TNKS: variants seen among roughly 807,000 people sequenced by gnomAD.
TNKS encodes the protein tankyrase, also known as poly [ADP-ribose] polymerase tankyrase-1.
In TNKS, 72 loss-of-function variants were observed where a neutral mutation model predicts 135.8. The observed-to-expected ratio is 0.53, with a 90% CI of 0.44 to 0.64. The LOEUF (loss-of-function observed/expected upper bound fraction) is 0.64. TNKS is among the 30% of genes least tolerant of loss of function. TNKS has a pLI of 0.00. For missense variants in TNKS, 1,769 were observed against 1,674.0 expected (o/e 1.06, Z -0.99); for synonymous variants, 849 against 649.3 (o/e 1.31, Z -4.68).
chr8:9,563,022 A>ATTGTAT (rs1563380309), intron 1 of TNKS, among the ~76,000 whole-genome samples: 1 of 151,864 alleles, frequency 6.6e-6, no homozygotes, highest in African/African-American at 2.4e-5. Flanking sequence ...TTTTCTTTTT[A>ATTGTAT]TGTATATTGA....
rs192856043 is a variant in TNKS, at chr8:9,781,694, T to C, written c.*4958T>C. Reference sequence around the variant, plus strand: ...TCTCAAAACATTTACAAAACCAGCTTTGAGAAAATGTTATGTTGCCTGGCA... The same window carrying C: ...TCTCAAAACATTTACAAAACCAGCTCTGAGAAAATGTTATGTTGCCTGGCA... On this transcript the variant is annotated 3_prime_UTR_variant, in exon 27 of 27. Coordinates refer to ENST00000310430, the MANE Select transcript of TNKS (RefSeq NM_003747.3). 4 of 152,778 alleles carry C rather than the reference T, an allele frequency of 2.6e-5. No homozygotes were observed. The highest frequency in any genetic ancestry group is 5.9e-5 in the Non-Finnish European group (4 of 68,030). 9.5% of individuals were successfully genotyped at this position (152,778 alleles called of 1,614,324 possible). A position where few individuals can be genotyped will look rare whatever the true frequency, so the allele number is the denominator to read the frequency against.
chr8:9,661,500 A>C (rs976014754), intron 3 of TNKS, among the ~76,000 whole-genome samples: 1 of 152,064 alleles, frequency 6.6e-6, no homozygotes, highest in Non-Finnish European at 1.5e-5. Context: ...TCCCTATTTA[A>C]TAAATGGTGC....
At chr8:9,580,107 T>A in intron 1 of TNKS, 52 bp from the exon 2 acceptor site, 2 of 1,485,334 alleles carry the variant, frequency 1.3e-6, no homozygotes, top group Non-Finnish European at 1.9e-6. Flanking sequence ...TTCTAATGGT[T>A]CTTTTTACAA....
At chr8:9,679,834 G>C in intron 3 of TNKS, 117 bp from the exon 4 acceptor site, 1 of 781,766 alleles carries the variant, frequency 1.3e-6, no homozygotes, top group East Asian at 2.5e-5. Flanking sequence ...ATCACCCAGC[G>C]GGGTGTGGAC....
chr8:9,730,300 T>G (rs985403306), intron 13 of TNKS, among the ~76,000 whole-genome samples: 1 of 152,046 alleles, frequency 6.6e-6, no homozygotes, highest in Non-Finnish European at 1.5e-5. Flanking sequence ...GCCTAAAAAC[T>G]AGGGTATGAT....
At chr8:9,675,772 C>T (rs1372232118) in intron 3 of TNKS, among the ~76,000 whole-genome samples, 1 of 152,056 alleles carries the variant, frequency 6.6e-6, no homozygotes, top group Admixed American at 6.6e-5. Flanking sequence ...CACATTTTAG[C>T]CTAGTGCAGG....
intron 3 of TNKS, among the ~76,000 whole-genome samples, chr8:9,616,953 A>G (rs1413305954): frequency 6.6e-6 from 1 of 152,204 alleles, no homozygotes; most frequent in African/African-American, 2.4e-5. Context: ...GTCTCTGACC[A>G]AAGGAGAAAT....
At chr8:9,667,921 C>A (rs1178313240) in intron 3 of TNKS, among the ~76,000 whole-genome samples, 3 of 147,174 alleles carry the variant, frequency 2.0e-5, no homozygotes, top group African/African-American at 7.5e-5. Flanking sequence ...AACAAATATA[C>A]AGGCACTGTT....
Position 9,704,445 on chromosome 8 carries a change from A to G in TNKS, c.1108-218A>G, listed in dbSNP as rs79075575. Among the ~76,000 whole-genome samples, 965 of 152,298 alleles carry G rather than the reference A, an allele frequency of 6.3e-3. 32 individuals carry two copies. The East Asian group carries it at 0.11, about 17-fold the overall frequency. On this transcript the variant is annotated intron_variant, in intron 5 of 26. Transcript: ENST00000310430. The stretch of plus-strand genomic sequence containing the variant: ...TAAGGTTTGATTACTGATGGCCTTA[A>G]AAAAACAAGTAAGTGAAATAGGTGG...
At chr8:9,682,143 A>C (rs1011637670) in intron 5 of TNKS, among the ~76,000 whole-genome samples, 2 of 152,150 alleles carry the variant, frequency 1.3e-5, no homozygotes, top group Admixed American at 1.3e-4. Context: ...TGGATTCTCC[A>C]AGTAGATAAA....
At chr8:9,710,281 A>C in intron 11 of TNKS, 61 bp downstream of exon 11, 1 of 1,478,484 alleles carries the variant, frequency 6.8e-7, no homozygotes, top group Non-Finnish European at 9.5e-7. Context: ...TGCTCTTAAC[A>C]CTGCTTCTCT....
rs573946041 is a variant in TNKS at position 9,570,259 on chromosome 8, G to T, written c.674-9900G>T. On this transcript the variant is annotated intron_variant, in intron 1 of 26. Transcript: ENST00000310430. ...GTTTGAGACCAGCCTGGGCAATAAA[G>T]CGAGATCCCTGTCTCTACAAAAAAA... Among the ~76,000 whole-genome samples, 4 of 152,222 alleles carry T rather than the reference G, an allele frequency of 2.6e-5. No individual in the cohort carries two copies. The East Asian group carries it at 7.7e-4, about 29-fold the overall frequency.
Position 9,780,557 on chromosome 8 carries a change from C to T in TNKS, c.*3821C>T, listed in dbSNP as rs938518781. 6.6e-6 allele frequency: 1 copy of T among 152,220 alleles called. No individual in the cohort carries two copies. The highest frequency in any genetic ancestry group is 2.4e-5 in the African/African-American group (1 of 41,460). The allele number at this position is 152,220 out of a possible 1,614,324, so 9.4% of individuals were successfully genotyped here. A position where few individuals can be genotyped will look rare whatever the true frequency, so the allele number is the denominator to read the frequency against. The stretch of plus-strand genomic sequence containing the variant: ...ACATCTAGCATATGGAAAGCAAATG[C>T]ACTCGAAAACTACTATTCTAGAACA... On this transcript the variant is annotated 3_prime_UTR_variant, in exon 27 of 27. Coordinates refer to ENST00000310430, the MANE Select transcript of TNKS (RefSeq NM_003747.3).
intron 12 of TNKS, among the ~76,000 whole-genome samples, chr8:9,725,064 G>C (rs1805094098): frequency 6.6e-6 from 1 of 152,160 alleles, no homozygotes; most frequent in Non-Finnish European, 1.5e-5. Context: ...GTCAAATCCA[G>C]AATCACTGTC....
At chr8:9,580,849 A>G (rs907885821) in intron 2 of TNKS, among the ~76,000 whole-genome samples, 2 of 152,174 alleles carry the variant, frequency 1.3e-5, no homozygotes, top group Non-Finnish European at 2.9e-5. Context: ...TCGTTTCAAT[A>G]TGTGCCATAG....
chr8:9,677,015 G>A (rs1390011496), intron 3 of TNKS, among the ~76,000 whole-genome samples: 1 of 152,162 alleles, frequency 6.6e-6, no homozygotes, highest in African/African-American at 2.4e-5. Context: ...TCTCAGCTAA[G>A]ATGAAAGAGA....
chr8:9,712,806 C>T (rs1462798631), intron 11 of TNKS, among the ~76,000 whole-genome samples: 1 of 152,140 alleles, frequency 6.6e-6, no homozygotes, highest in African/African-American at 2.4e-5. Flanking sequence ...GGGAAAATCA[C>T]TTGAGCCCAA....
chr8:9,582,193 C>T (rs563233797), intron 2 of TNKS, among the ~76,000 whole-genome samples: 4 of 152,196 alleles, frequency 2.6e-5, no homozygotes, highest in Non-Finnish European at 4.4e-5. Context: ...TCACTGAAAC[C>T]TGTAATAGCT....
chr8:9,708,447 G>A lies in TNKS; in HGVS notation c.1533G>A (p.Leu511=), dbSNP rs1425560348. 1.2e-6 allele frequency: 2 copies of A among 1,608,924 alleles called. No homozygotes were observed. Among genetic ancestry groups the A allele is most frequent in the Non-Finnish European group, 1.7e-6 (2 of 1,177,490 alleles). The part of the protein sequence containing the change: ...DLAKVKKTLA[L]EIINFKQPQS... ...CTAAAGTTAAAAAAACACTCGCTCT[G>A]GAAATCATTAATTTCAAACAACCGC... is the stretch of plus-strand genomic sequence containing the variant. The change falls in exon 9 of 27, where the codon CTG becomes CTA. Residue 511 remains leucine, a synonymous_variant. Transcript: ENST00000310430.
Sources: allele counts gnomAD v4.1 joint callset (sites outside exome capture counted in the v4.1 genomes callset), GRCh38; gene constraint gnomAD v4.1.1; transcripts MANE v1.5; gene names NCBI Gene and HGNC (gene_info 2026-07-23, HGNC 2026-07-21).